TSPAN2: variants seen among roughly 807,000 people sequenced by gnomAD.
The protein encoded by TSPAN2 is tetraspanin-2.
TSPAN2 carries 24 observed loss-of-function variants against 33.3 expected under a neutral mutation model. The ratio of observed to expected loss-of-function variants is 0.72; its 90% CI spans 0.52 to 1.01. TSPAN2 has a LOEUF of 1.01. Among genes scored for constraint, TSPAN2 ranks in the 50% least tolerant of loss-of-function variants. The pLI is 0.00. For synonymous variants in TSPAN2, 114 were observed against 104.5 expected (o/e 1.09, Z -0.56); for missense variants, 278 against 281.3 (o/e 0.99, Z 0.08).
At chr1:115,056,402 G>A (rs796761220) in intron 6 of TSPAN2, among the ~76,000 whole-genome samples, 6 of 152,186 alleles carry the variant, frequency 3.9e-5, no homozygotes, top group African/African-American at 1.4e-4. Context: ...GTCACCAGTT[G>A]GTTCCTTGCA....
chr1:115,069,709 T>C (rs553819198), intron 2 of TSPAN2, among the ~76,000 whole-genome samples: 1 of 152,332 alleles, frequency 6.6e-6, no homozygotes. Flanking sequence ...GTGTCTGTGA[T>C]TTGCAATACG....
chr1:115,064,606 C>T (rs950080897), intron 2 of TSPAN2, among the ~76,000 whole-genome samples: 6 of 152,254 alleles, frequency 3.9e-5, no homozygotes, highest in African/African-American at 1.4e-4. Flanking sequence ...TAGAACATGC[C>T]CTGCACAAGG....
chr1:115,068,038 C>T (rs1648017708), intron 2 of TSPAN2, among the ~76,000 whole-genome samples: 1 of 152,182 alleles, frequency 6.6e-6, no homozygotes. Context: ...CAACCCAAGC[C>T]CTCCTCTGCC....
chr1:115,086,067 T>C (rs976575183), intron 1 of TSPAN2, among the ~76,000 whole-genome samples: 3 of 152,190 alleles, frequency 2.0e-5, no homozygotes, highest in African/African-American at 7.2e-5. Context: ...TTATATACTA[T>C]TCCCCACCAA....
At chr1:115,057,447 G>T in intron 6 of TSPAN2, 90 bp downstream of exon 6, 1 of 1,256,944 alleles carries the variant, frequency 8.0e-7, no homozygotes, top group Non-Finnish European at 1.2e-6. Context: ...TCAGTAAAAT[G>T]CAGATCCCAT....
chr1:115,069,313 G>C (rs1433699050), intron 2 of TSPAN2, among the ~76,000 whole-genome samples: 1 of 152,200 alleles, frequency 6.6e-6, no homozygotes, highest in Non-Finnish European at 1.5e-5. Flanking sequence ...TGAGAGGGCT[G>C]ACTCACCTCC....
At chr1:115,081,359 T>A (rs1648616841) in intron 1 of TSPAN2, among the ~76,000 whole-genome samples, 1 of 152,108 alleles carries the variant, frequency 6.6e-6, no homozygotes, top group South Asian at 2.1e-4. Context: ...GCCACCCCTG[T>A]TAATAAGCTG....
intron 1 of TSPAN2, among the ~76,000 whole-genome samples, chr1:115,080,964 A>G (rs1451947111): frequency 6.6e-6 from 1 of 152,212 alleles, no homozygotes; most frequent in East Asian, 1.9e-4. Context: ...TGGTTGGGAG[A>G]ACTACTTTGG....
intron 1 of TSPAN2, among the ~76,000 whole-genome samples, chr1:115,073,559 C>A (rs1648277728): frequency 6.6e-6 from 1 of 151,932 alleles, no homozygotes; most frequent in Non-Finnish European, 1.5e-5. Flanking sequence ...AAATAGAAAG[C>A]GGTTTTAGGG....
rs1028585409 is a variant in TSPAN2 at position 115,049,678 on chromosome 1, G to A, written c.*812C>T. ...GTTGCAGTAGTTTACAGCAGGGTCAGAAAATGAAAGTAATAAAGCAATATT... is the reference window on the plus strand; with the variant it reads ...GTTGCAGTAGTTTACAGCAGGGTCAAAAAATGAAAGTAATAAAGCAATATT... On this transcript the variant is annotated 3_prime_UTR_variant, in exon 8 of 8. Transcript: ENST00000369516. The A allele has an allele frequency of 6.6e-6, 1 of 152,462 alleles. No individual in the cohort carries two copies. The highest frequency in any genetic ancestry group is 6.5e-5 in the Admixed American group (1 of 15,276). 9.4% of individuals were successfully genotyped at this position (152,462 alleles called of 1,614,324 possible).
intron 1 of TSPAN2, among the ~76,000 whole-genome samples, chr1:115,073,898 TTGC>T (rs1648291727): frequency 6.6e-6 from 1 of 152,082 alleles, no homozygotes; most frequent in African/African-American, 2.4e-5. Flanking sequence ...AGGACTGTCA[TTGC>T]TGCGTGCCAG....
chr1:115,057,457 T>A lies in TSPAN2; in HGVS notation c.516+80A>T. Reference sequence around the variant, plus strand: ...CAAATTCAGTAAAATGCAGATCCCATCCGAGATTCTACCTTCAATGGCTTC... The same window carrying A: ...CAAATTCAGTAAAATGCAGATCCCAACCGAGATTCTACCTTCAATGGCTTC... On this transcript the variant is annotated intron_variant, in intron 6 of 7. Transcript: ENST00000369516. 2.2e-6 allele frequency: 3 copies of A among 1,340,508 alleles called. No homozygotes were observed. In the South Asian group the frequency reaches 3.5e-5, roughly 16 times the overall value. The allele number at this position is 1,340,508 out of a possible 1,614,324, so 83.0% of individuals were successfully genotyped here. A position where few individuals can be genotyped will look rare whatever the true frequency, so the allele number is the denominator to read the frequency against.
intron 1 of TSPAN2, among the ~76,000 whole-genome samples, chr1:115,080,510 A>C (rs1020167113): frequency 6.6e-6 from 1 of 152,164 alleles, no homozygotes; most frequent in African/African-American, 2.4e-5. Context: ...CCCGGGCACA[A>C]GTGATCCTCT....
intron 2 of TSPAN2, 75 bp downstream of exon 2, chr1:115,072,830 G>A: frequency 7.6e-7 from 1 of 1,310,432 alleles, no homozygotes. Flanking sequence ...CAAAGTTCAA[G>A]TGCAGCTTCT....
chr1:115,077,108 G>A (rs1444804874), intron 1 of TSPAN2, among the ~76,000 whole-genome samples: 3 of 151,772 alleles, frequency 2.0e-5, no homozygotes, highest in Non-Finnish European at 4.4e-5. Flanking sequence ...TTGTAGAGAT[G>A]GGGTTTTACC....
rs540516063 is a variant in TSPAN2, at chr1:115,088,709, C to T, written c.69+655G>A. On this transcript the variant is annotated intron_variant, in intron 1 of 7. Coordinates refer to ENST00000369516, the MANE Select transcript of TSPAN2 (RefSeq NM_005725.6). ...GGCTGGGGGTTGTGGAGAGCTGCTG[C>T]TGCCCTTTAGAAGCCCTTCCATTCC... is the stretch of plus-strand genomic sequence containing the variant. Among the ~76,000 whole-genome samples, 207 of 152,312 alleles carry T rather than the reference C, an allele frequency of 1.4e-3. 1 individual carries two copies. Among genetic ancestry groups the T allele is most frequent in the African/African-American group, 4.7e-3 (196 of 41,562 alleles).
intron 3 of TSPAN2, among the ~76,000 whole-genome samples, chr1:115,060,818 G>A (rs1570969350): frequency 6.6e-6 from 1 of 152,230 alleles, no homozygotes; most frequent in East Asian, 1.9e-4. Flanking sequence ...AAGTTAAAAA[G>A]TGAATAAGAT....
intron 1 of TSPAN2, among the ~76,000 whole-genome samples, chr1:115,080,752 G>C (rs1648594062): frequency 6.6e-6 from 1 of 152,160 alleles, no homozygotes; most frequent in Admixed American, 6.5e-5. Flanking sequence ...CTCATCAAGG[G>C]GATAAGCCCG....
chr1:115,057,392 G>A (rs768248900), intron 6 of TSPAN2, 145 bp downstream of exon 6: 7 of 774,520 alleles, frequency 9.0e-6, no homozygotes, highest in Non-Finnish European at 1.1e-5. Context: ...TCAGCTCAAC[G>A]CTATTCATTT....
Sources: gnomAD v4.1 joint callset for allele counts (sites outside exome capture counted in the v4.1 genomes callset) on GRCh38, gnomAD v4.1.1 for gene constraint, MANE v1.5 for transcripts, NCBI Gene and HGNC (gene_info 2026-07-23, HGNC 2026-07-21) for gene names.